DOK6: variants seen among roughly 807,000 people sequenced by gnomAD.
DOK6 encodes downstream of tyrosine kinase 6.
Under a neutral mutation model 44.0 loss-of-function variants are expected in DOK6, and 22 were observed. The ratio of observed to expected loss-of-function variants is 0.50; its 90% CI spans 0.36 to 0.71. The LOEUF is 0.71. Ranked by LOEUF, DOK6 falls within the 30% of genes least tolerant of loss-of-function variation. The pLI, the probability that DOK6 is intolerant of heterozygous loss-of-function variation, is 0.00. For missense variants in DOK6, 340 were observed against 416.4 expected, an observed-to-expected ratio of 0.82 and a Z score of 1.60; for synonymous variants, 166 against 145.5, an observed-to-expected ratio of 1.14 and a Z score of -1.01.
At chr18:69,405,261 C>T (rs949119367) in intron 1 of DOK6, among the ~76,000 whole-genome samples, 4 of 152,084 alleles carry the variant, frequency 2.6e-5, no homozygotes, top group African/African-American at 4.8e-5. Context: ...CAGCTTTCCT[C>T]GGAGTATTTG....
chr18:69,650,259 C>T (rs575058116), intron 3 of DOK6, among the ~76,000 whole-genome samples: 2 of 152,080 alleles, frequency 1.3e-5, no homozygotes, highest in Non-Finnish European at 2.9e-5. Context: ...AATACTACTG[C>T]TCTGTGGGTT....
intron 7 of DOK6, among the ~76,000 whole-genome samples, chr18:69,799,938 T>C (rs1298591850): frequency 6.6e-6 from 1 of 152,158 alleles, no homozygotes; most frequent in Non-Finnish European, 1.5e-5. Context: ...TTAATTATAA[T>C]AGCTGTCTTT....
intron 7 of DOK6, among the ~76,000 whole-genome samples, chr18:69,826,870 T>C (rs549976932): frequency 6.6e-6 from 1 of 152,286 alleles, no homozygotes; most frequent in Admixed American, 6.5e-5. Context: ...CCCCTTCTGG[T>C]CCCATTCTTA....
intron 1 of DOK6, among the ~76,000 whole-genome samples, chr18:69,554,695 G>A (rs1209780140): frequency 1.3e-5 from 2 of 152,146 alleles, no homozygotes; most frequent in Non-Finnish European, 2.9e-5. Context: ...TAGCAGAATT[G>A]CTAGATTCTG....
chr18:69,405,592 T>A (rs554548077), intron 1 of DOK6, among the ~76,000 whole-genome samples: 4 of 149,666 alleles, frequency 2.7e-5, no homozygotes, highest in African/African-American at 9.9e-5. Flanking sequence ...AATAACTAAC[T>A]AAATAAAATA....
At chr18:69,407,954 CT>C (rs977395517) in intron 1 of DOK6, among the ~76,000 whole-genome samples, 8 of 152,154 alleles carry the variant, frequency 5.3e-5, no homozygotes, top group African/African-American at 1.7e-4. Flanking sequence ...CATCTCACAA[CT>C]TGTAAAGACT....
chr18:69,675,261 A>G (rs1013685098), intron 3 of DOK6, among the ~76,000 whole-genome samples: 1 of 152,138 alleles, frequency 6.6e-6, no homozygotes, highest in African/African-American at 2.4e-5. Flanking sequence ...AAACCCTGGG[A>G]CAAAAGACTT....
At chr18:69,714,937 C>A (rs1986848796) in intron 5 of DOK6, among the ~76,000 whole-genome samples, 1 of 152,032 alleles carries the variant, frequency 6.6e-6, no homozygotes, top group Admixed American at 6.6e-5. Context: ...TCAAATCATA[C>A]CGTAGAAAAT....
intron 3 of DOK6, among the ~76,000 whole-genome samples, chr18:69,603,742 G>T (rs1219372751): frequency 8.2e-6 from 1 of 122,040 alleles, no homozygotes; most frequent in Admixed American, 1.2e-4. Flanking sequence ...CTGCACTCCA[G>T]CCTGGGCGAC....
intron 1 of DOK6, chr18:69,469,785 C>G (rs992487833): frequency 4.3e-6 from 1 of 234,988 alleles, no homozygotes; most frequent in Admixed American, 4.9e-5. Context: ...GAGCCAGAGG[C>G]GGATGGAGCG....
At chr18:69,627,592 G>A (rs1984586340) in intron 3 of DOK6, among the ~76,000 whole-genome samples, 1 of 152,142 alleles carries the variant, frequency 6.6e-6, no homozygotes, top group Non-Finnish European at 1.5e-5. Flanking sequence ...GGGACTGCAG[G>A]CGCCCGCCAC....
intron 7 of DOK6, among the ~76,000 whole-genome samples, chr18:69,776,323 G>C (rs1454329313): frequency 6.6e-6 from 1 of 151,846 alleles, no homozygotes; most frequent in Non-Finnish European, 1.5e-5. Flanking sequence ...TATAGAACAT[G>C]GGCTCATGTT....
chr18:69,624,706 G>T (rs965859564), intron 3 of DOK6, among the ~76,000 whole-genome samples: 8 of 152,048 alleles, frequency 5.3e-5, no homozygotes, highest in African/African-American at 1.9e-4. Flanking sequence ...TATTTTCTAA[G>T]TTAACAATAT....
chr18:69,624,040 C>T (rs978929248), intron 3 of DOK6, among the ~76,000 whole-genome samples: 3 of 152,152 alleles, frequency 2.0e-5, no homozygotes, highest in African/African-American at 7.2e-5. Context: ...TACACAACTT[C>T]CTCTTCTATT....
intron 3 of DOK6, among the ~76,000 whole-genome samples, chr18:69,616,835 A>C (rs568148007): frequency 6.6e-6 from 1 of 152,196 alleles, no homozygotes; most frequent in East Asian, 1.9e-4. Context: ...GACTTTTTGA[A>C]ATCTTTGTAG....
chr18:69,403,086 A>C (rs1163965539), intron 1 of DOK6, among the ~76,000 whole-genome samples: 1 of 152,162 alleles, frequency 6.6e-6, no homozygotes, highest in Non-Finnish European at 1.5e-5. Context: ...TCTTCTTGAA[A>C]TCGCAATTGT....
intron 4 of DOK6, among the ~76,000 whole-genome samples, chr18:69,680,687 C>T (rs1302628916): frequency 2.0e-5 from 3 of 152,104 alleles, no homozygotes; most frequent in African/African-American, 7.2e-5. Flanking sequence ...ACAGGCTTCC[C>T]CCATACTTAT....
chr18:69,511,808 A>G (rs140928611), intron 1 of DOK6, among the ~76,000 whole-genome samples: 23 of 152,196 alleles, frequency 1.5e-4, no homozygotes, highest in African/African-American at 5.6e-4. Context: ...TAGTTCTTTC[A>G]CTAAATCTCT....
chr18:69,631,237 A>G (rs1431697270), intron 3 of DOK6, among the ~76,000 whole-genome samples: 1 of 152,218 alleles, frequency 6.6e-6, no homozygotes, highest in Non-Finnish European at 1.5e-5. Flanking sequence ...TTGTCTCTTC[A>G]TATGGGAAAG....
Sources: gnomAD v4.1 joint callset for allele counts (sites outside exome capture counted in the v4.1 genomes callset) on GRCh38, gnomAD v4.1.1 for gene constraint, MANE v1.5 for transcripts, NCBI Gene and HGNC (gene_info 2026-07-23, HGNC 2026-07-21) for gene names.